STOX2: variants seen among roughly 807,000 people sequenced by gnomAD.
STOX2 encodes the protein storkhead-box protein 2.
Under a neutral mutation model 60.9 loss-of-function variants are expected in STOX2, and 28 were observed. The observed-to-expected ratio is 0.46, with a 90% CI of 0.34 to 0.63. STOX2 has a LOEUF of 0.63. STOX2 is among the 30% of genes least tolerant of loss of function. STOX2 has a pLI of 0.01. For synonymous variants in STOX2, 472 were observed against 463.9 expected, an observed-to-expected ratio of 1.02 and a Z score of -0.22; for missense variants, 1,024 against 1,187.7, an observed-to-expected ratio of 0.86 and a Z score of 2.03.
Position 183,898,579 on chromosome 4 carries a change from ATG to A in STOX2, c.364+100526_364+100527del, listed in dbSNP as rs386683160. On this transcript the variant is annotated intron_variant, in intron 1 of 2. Coordinates refer to the STOX2 transcript ENST00000513034. The stretch of plus-strand genomic sequence containing the variant: ...TGCAAGCGCTGAAATAAAGCAGTGA[ATG>A]TTGTGGAAGGAACTGAGCTGATGAA... Among the ~76,000 whole-genome samples the A allele has an allele frequency of 3.2e-3, 481 of 152,262 alleles. 6 individuals carry two copies. Among genetic ancestry groups the A allele is most frequent in the African/African-American group, 0.011 (458 of 41,524 alleles).
At chr4:183,832,139 G>A (rs1398294025) in intron 1 of STOX2, among the ~76,000 whole-genome samples, 12 of 151,888 alleles carry the variant, frequency 7.9e-5, no homozygotes, top group East Asian at 3.9e-4. Flanking sequence ...ACAAGTGCCC[G>A]TCACCATGCC....
intron 1 of STOX2, among the ~76,000 whole-genome samples, chr4:183,830,029 C>A (rs1739530307): frequency 6.6e-6 from 1 of 152,142 alleles, no homozygotes; most frequent in African/African-American, 2.4e-5. Flanking sequence ...TCCTTTAGAT[C>A]TTTACTGCAT....
chr4:183,805,918 G>C (rs1042276171), intron 1 of STOX2, among the ~76,000 whole-genome samples: 1 of 152,232 alleles, frequency 6.6e-6, no homozygotes, highest in Non-Finnish European at 1.5e-5. Context: ...GACCAGTCAG[G>C]CTGGACACTA....
chr4:183,914,429 C>A (rs1741872481), intron 1 of STOX2, among the ~76,000 whole-genome samples: 1 of 151,956 alleles, frequency 6.6e-6, no homozygotes, highest in Non-Finnish European at 1.5e-5. Flanking sequence ...CAGAAGGAGA[C>A]CTTGTCTCAA....
chr4:183,888,925 A>T (rs1741144549), intron 1 of STOX2, among the ~76,000 whole-genome samples: 1 of 152,072 alleles, frequency 6.6e-6, no homozygotes, highest in South Asian at 2.1e-4. Context: ...GAGCACAGAA[A>T]ACAAGTTGGC....
upstream of STOX2, among the ~76,000 whole-genome samples, chr4:183,900,456 C>T (rs566070803): frequency 5.9e-5 from 9 of 152,106 alleles, no homozygotes; most frequent in Non-Finnish European, 1.3e-4. Context: ...ATTTGTGATC[C>T]ATGGGAGGAG....
intron 1 of STOX2, among the ~76,000 whole-genome samples, chr4:183,823,421 C>A (rs1739350087): frequency 6.6e-6 from 1 of 152,096 alleles, no homozygotes; most frequent in Non-Finnish European, 1.5e-5. Context: ...AACAAACAAA[C>A]CAAAAAACCC....
At chr4:183,952,773 T>C (rs1743130999) in intron 1 of STOX2, among the ~76,000 whole-genome samples, 2 of 152,196 alleles carry the variant, frequency 1.3e-5, no homozygotes, top group South Asian at 4.1e-4. Context: ...GTAGGACTCC[T>C]TAGGGTCCTA....
chr4:183,991,992 T>C (rs988282101), intron 1 of STOX2, among the ~76,000 whole-genome samples: 12 of 152,218 alleles, frequency 7.9e-5, no homozygotes, highest in Non-Finnish European at 1.8e-4. Context: ...CATCTTGTAA[T>C]GCTGAATTGA....
intron 1 of STOX2, among the ~76,000 whole-genome samples, chr4:183,842,248 A>G (rs560177497): frequency 1.0e-3 from 152 of 152,300 alleles, no homozygotes; most frequent in East Asian, 5.8e-4. Flanking sequence ...AACCTAGTCT[A>G]TATCAGTTTA....
intron 1 of STOX2, among the ~76,000 whole-genome samples, chr4:183,961,587 C>T (rs915234866): frequency 2.0e-5 from 3 of 152,280 alleles, no homozygotes; most frequent in East Asian, 1.9e-4. Flanking sequence ...TTAGATTCAG[C>T]GGTACAAGTG....
chr4:184,019,204 G>A lies in STOX2; in HGVS notation c.*1920G>A, dbSNP rs1422854718. On this transcript the variant is annotated 3_prime_UTR_variant, in exon 4 of 4. Coordinates refer to ENST00000308497, the MANE Select transcript of STOX2 (RefSeq NM_020225.3). ...TAGTGAAACTTCAGCATGTTTCTTAGTAAACTCCCATACCATTGAAATGCT... is the reference window on the plus strand; with the variant it reads ...TAGTGAAACTTCAGCATGTTTCTTAATAAACTCCCATACCATTGAAATGCT... 3.3e-5 allele frequency: 5 copies of A among 152,150 alleles called. No individual in the cohort carries two copies. The highest frequency in any genetic ancestry group is 7.3e-5 in the Non-Finnish European group (5 of 68,032). 9.4% of individuals were successfully genotyped at this position (152,150 alleles called of 1,614,324 possible).
intron 1 of STOX2, among the ~76,000 whole-genome samples, chr4:183,811,300 T>C (rs993641437): frequency 2.6e-5 from 4 of 152,226 alleles, no homozygotes; most frequent in Non-Finnish European, 5.9e-5. Context: ...AAGTCTATGT[T>C]AGATCCAGAA....
chr4:183,962,476 T>A (rs1743440970), intron 1 of STOX2, among the ~76,000 whole-genome samples: 1 of 152,216 alleles, frequency 6.6e-6, no homozygotes, highest in South Asian at 2.1e-4. Context: ...TAAGTAGAAG[T>A]GAAAGGTAAA....
intron 1 of STOX2, among the ~76,000 whole-genome samples, chr4:183,835,424 C>T (rs528031811): frequency 5.3e-5 from 8 of 152,120 alleles, no homozygotes; most frequent in Middle Eastern, 3.4e-3. Context: ...CGGGGTTTCA[C>T]CATGTTAGCC....
intron 1 of STOX2, among the ~76,000 whole-genome samples, chr4:183,933,391 TTGTTGTTG>T (rs1316924257): frequency 1.5e-5 from 1 of 67,120 alleles, no homozygotes; most frequent in African/African-American, 1.1e-4. Context: ...GTTGTTGTTG[TTGTTGTTG>T]TTGTTGTTGA....
intron 1 of STOX2, among the ~76,000 whole-genome samples, chr4:183,828,253 T>G (rs764766278): frequency 1.2e-4 from 18 of 152,158 alleles, no homozygotes; most frequent in Non-Finnish European, 2.1e-4. Flanking sequence ...ACTCGGAAAC[T>G]GGCAGAGGGT....
chr4:183,905,517 C>T lies in STOX2; in HGVS notation c.-1274C>T, dbSNP rs549894988. On this transcript the variant is annotated 5_prime_UTR_variant, in exon 1 of 4. Transcript: ENST00000308497. ...TGGCCTCCCCTCCCTCTGGCTTTAG[C>T]TTCCTTTGGGGTTGGCGCAGGTGGG... is the stretch of plus-strand genomic sequence containing the variant. 1 of 152,374 alleles carries T rather than the reference C, an allele frequency of 6.6e-6. No individual in the cohort carries two copies. Among genetic ancestry groups the T allele is most frequent in the Non-Finnish European group, 1.5e-5 (1 of 68,078 alleles). The allele number at this position is 152,374 out of a possible 1,614,324, so 9.4% of individuals were successfully genotyped here. A position where few individuals can be genotyped will look rare whatever the true frequency, so the allele number is the denominator to read the frequency against.
intron 1 of STOX2, among the ~76,000 whole-genome samples, chr4:183,887,483 A>G (rs773236888): frequency 1.9e-4 from 29 of 152,312 alleles, no homozygotes; most frequent in Middle Eastern, 3.4e-3. Flanking sequence ...GAGCTACTGG[A>G]GGCCTTTCCC....
Sources: gnomAD v4.1 joint callset for allele counts (sites outside exome capture counted in the v4.1 genomes callset) on GRCh38, gnomAD v4.1.1 for gene constraint, MANE v1.5 for transcripts, NCBI Gene and HGNC (gene_info 2026-07-23, HGNC 2026-07-21) for gene names.